COL8A1: variants seen among roughly 807,000 people sequenced by gnomAD.
COL8A1 encodes the protein collagen alpha-1(VIII) chain.
Under a neutral mutation model 42.7 loss-of-function variants are expected in COL8A1, and 21 were observed. The observed-to-expected ratio is 0.49, with a 90% CI of 0.35 to 0.71. The LOEUF (loss-of-function observed/expected upper bound fraction) is 0.71. Ranked by LOEUF, COL8A1 falls within the 30% of genes least tolerant of loss-of-function variation. The pLI, the probability that COL8A1 is intolerant of heterozygous loss-of-function variation, is 0.01. For synonymous variants in COL8A1, 367 were observed against 369.1 expected, an observed-to-expected ratio of 0.99 and a Z score of 0.06; for missense variants, 788 against 962.4, an observed-to-expected ratio of 0.82 and a Z score of 2.40.
chr3:99,726,517 T>G (rs1045862162), intron 1 of COL8A1, among the ~76,000 whole-genome samples: 1 of 151,484 alleles, frequency 6.6e-6, no homozygotes, highest in Non-Finnish European at 1.5e-5. Context: ...ATTGCCTAGG[T>G]TTTCTTCTAG....
chr3:99,704,248 A>G (rs1187800738), intron 1 of COL8A1, among the ~76,000 whole-genome samples: 1 of 152,204 alleles, frequency 6.6e-6, no homozygotes, highest in Non-Finnish European at 1.5e-5. Context: ...AATGAATAGA[A>G]TGAATCCCAA....
intron 2 of COL8A1, among the ~76,000 whole-genome samples, chr3:99,748,066 C>A (rs183818050): frequency 6.6e-6 from 1 of 152,152 alleles, no homozygotes; most frequent in Non-Finnish European, 1.5e-5. Flanking sequence ...TAATCTTCCC[C>A]GCAGCTTCCT....
chr3:99,735,428 G>C (rs199533485), intron 1 of COL8A1, among the ~76,000 whole-genome samples: 1 of 35,572 alleles, frequency 2.8e-5, no homozygotes. Context: ...TTTGTCGTTG[G>C]TTCTGTTTAT....
intron 1 of COL8A1, among the ~76,000 whole-genome samples, chr3:99,712,367 A>G (rs1939860738): frequency 6.6e-6 from 1 of 152,102 alleles, no homozygotes; most frequent in South Asian, 2.1e-4. Context: ...TTTGTTTAAA[A>G]TTGAGGGGAA....
intron 1 of COL8A1, among the ~76,000 whole-genome samples, chr3:99,684,485 A>T (rs1344335000): frequency 6.6e-6 from 1 of 152,198 alleles, no homozygotes; most frequent in Admixed American, 6.5e-5. Flanking sequence ...CTGTAAAAAG[A>T]TAGAACAGTA....
chr3:99,652,080 A>G (rs1321388255), intron 1 of COL8A1, among the ~76,000 whole-genome samples: 1 of 152,252 alleles, frequency 6.6e-6, no homozygotes, highest in African/African-American at 2.4e-5. Context: ...TCTAGCCATA[A>G]AAGAATCACC....
At chr3:99,651,673 A>G (rs896792412) in intron 1 of COL8A1, among the ~76,000 whole-genome samples, 3 of 152,236 alleles carry the variant, frequency 2.0e-5, no homozygotes, top group Admixed American at 2.0e-4. Flanking sequence ...TAACCTATTA[A>G]TAAGCCTTCA....
Position 99,770,364 on chromosome 3 carries a change from A to C in COL8A1, c.-3-20316A>C, listed in dbSNP as rs138429253. ...TTCACCTTAAAATACTCAGTATGCC[A>C]AGGTATCATATTGTAGGGTAGTGTG... On this transcript the variant is annotated intron_variant, in intron 2 of 3. Coordinates refer to ENST00000652472, the MANE Select transcript of COL8A1 (RefSeq NM_020351.4). 6.3e-3 allele frequency among the ~76,000 whole-genome samples: 966 copies of C among 152,310 alleles called. 12 individuals carry two copies. Among genetic ancestry groups the C allele is most frequent in the African/African-American group, 0.022 (928 of 41,572 alleles).
intron 2 of COL8A1, among the ~76,000 whole-genome samples, chr3:99,769,843 C>T (rs895605048): frequency 6.6e-6 from 1 of 151,992 alleles, no homozygotes; most frequent in Non-Finnish European, 1.5e-5. Context: ...TGCTTGAACC[C>T]GGGAGATGGA....
At chr3:99,662,369 G>A (rs1191207222) in intron 1 of COL8A1, among the ~76,000 whole-genome samples, 4 of 136,848 alleles carry the variant, frequency 2.9e-5, no homozygotes, top group African/African-American at 1.1e-4. Context: ...GCGACAGGGC[G>A]AGACTTTGTC....
chr3:99,719,697 C>A (rs1159765919), intron 1 of COL8A1, among the ~76,000 whole-genome samples: 1 of 152,008 alleles, frequency 6.6e-6, no homozygotes, highest in Non-Finnish European at 1.5e-5. Context: ...ATGGCAAATC[C>A]AGAAGTTAAG....
rs375143879 is a variant in COL8A1, at chr3:99,680,957, T to A, written c.-129+42293T>A. 2.8e-4 allele frequency among the ~76,000 whole-genome samples: 42 copies of A among 152,166 alleles called. No individual in the cohort carries two copies. The East Asian group carries it at 7.3e-3, about 27-fold the overall frequency. ...CCATATGTAGAAAGCTGAAACTGGA[T>A]CCCTTCCTTACACCTTATACAAAAA... is the stretch of plus-strand genomic sequence containing the variant. On this transcript the variant is annotated intron_variant, in intron 1 of 3. Transcript: ENST00000652472.
At position 99,762,986 on chromosome 3, in the gene COL8A1, C is replaced by G. The variant is rs78295875; in HGVS notation, c.-4+17965C>G. On this transcript the variant is annotated intron_variant, in intron 2 of 3. Coordinates refer to ENST00000652472, the MANE Select transcript of COL8A1 (RefSeq NM_020351.4). ...CCTCTTTAACTGCACGCTTTTCATT[C>G]ATACCTTCTAGGTGGCAGAGAAAGG... is the stretch of plus-strand genomic sequence containing the variant. 6.3e-3 allele frequency among the ~76,000 whole-genome samples: 952 copies of G among 152,282 alleles called. 6 individuals are homozygous for G. Among genetic ancestry groups the G allele is most frequent in the African/African-American group, 0.018 (756 of 41,542 alleles).
chr3:99,701,938 C>T (rs1420189815), intron 1 of COL8A1, among the ~76,000 whole-genome samples: 2 of 152,158 alleles, frequency 1.3e-5, no homozygotes, highest in African/African-American at 2.4e-5. Flanking sequence ...GGACCCATTA[C>T]TCTCCTCTAC....
intron 1 of COL8A1, among the ~76,000 whole-genome samples, chr3:99,688,011 C>T (rs1939113740): frequency 6.6e-6 from 1 of 152,140 alleles, no homozygotes; most frequent in African/African-American, 2.4e-5. Flanking sequence ...GTATGATCAT[C>T]AATATTCATG....
At chr3:99,679,491 T>C (rs1037311991) in intron 1 of COL8A1, 1 of 152,228 alleles carries the variant, frequency 6.6e-6, no homozygotes, top group Admixed American at 6.5e-5. Flanking sequence ...CCAGTCATTG[T>C]TAGACAACTG....
intron 1 of COL8A1, among the ~76,000 whole-genome samples, chr3:99,717,543 T>C (rs1940031958): frequency 6.6e-6 from 1 of 151,962 alleles, no homozygotes. Flanking sequence ...AAATCACAAA[T>C]CTTAACTGCT....
At chr3:99,745,593 A>T (rs1405170365) in intron 2 of COL8A1, among the ~76,000 whole-genome samples, 1 of 152,208 alleles carries the variant, frequency 6.6e-6, no homozygotes, top group Non-Finnish European at 1.5e-5. Context: ...ATGAGCTGTA[A>T]TGAAGAAATG....
intron 1 of COL8A1, among the ~76,000 whole-genome samples, chr3:99,669,589 A>G (rs1239122534): frequency 6.6e-6 from 1 of 152,130 alleles, no homozygotes; most frequent in Non-Finnish European, 1.5e-5. Context: ...AGCAAATGAT[A>G]TATATTCAAT....
Sources: gnomAD v4.1 joint callset for allele counts (sites outside exome capture counted in the v4.1 genomes callset) on GRCh38, gnomAD v4.1.1 for gene constraint, MANE v1.5 for transcripts, NCBI Gene and HGNC (gene_info 2026-07-23, HGNC 2026-07-21) for gene names.